The following GRXCR1 variants were observed in gnomAD, a reference collection of about 807,000 sequenced individuals.
The protein encoded by GRXCR1 is glutaredoxin domain-containing cysteine-rich protein 1.
In GRXCR1, 27 loss-of-function variants were observed where a neutral mutation model predicts 27.3. The observed-to-expected ratio is 0.99, with a 90% confidence interval of 0.73 to 1.37. The LOEUF (loss-of-function observed/expected upper bound fraction) is 1.37, where lower values mean the gene tolerates loss of function less well. GRXCR1 is among the 40% of genes most tolerant of loss of function. The probability of loss-of-function intolerance (pLI) is 0.00; values close to 1 mark genes in which losing one functional copy is unlikely to be tolerated. For synonymous variants in GRXCR1, 122 were observed against 131.1 expected (o/e 0.93, Z 0.47); for missense variants, 379 against 354.4 (o/e 1.07, Z -0.56).
intron 2 of GRXCR1, among the ~76,000 whole-genome samples, chr4:42,986,542 C>T (rs763457808): frequency 5.3e-5 from 8 of 152,210 alleles, no homozygotes; most frequent in Middle Eastern, 3.4e-3. Context: ...GCTTTCTTTA[C>T]GGAATATCTG....
At chr4:42,937,051 A>G (rs1439001955) in intron 1 of GRXCR1, among the ~76,000 whole-genome samples, 1 of 151,932 alleles carries the variant, frequency 6.6e-6, no homozygotes, top group African/African-American at 2.4e-5. Context: ...CTTCCTTGAG[A>G]ATGAAGTATC....
intron 1 of GRXCR1, among the ~76,000 whole-genome samples, chr4:42,921,808 G>T (rs1747017645): frequency 1.3e-5 from 2 of 151,966 alleles, no homozygotes; most frequent in South Asian, 2.1e-4. Flanking sequence ...TTGCTGACTT[G>T]ACTTAGGGCT....
intron 1 of GRXCR1, among the ~76,000 whole-genome samples, chr4:42,895,199 C>A (rs1473659903): frequency 1.3e-5 from 2 of 152,074 alleles, no homozygotes; most frequent in East Asian, 3.9e-4. Context: ...AATTTTAACA[C>A]TAGATTAGTT....
chr4:42,928,257 G>A (rs571958725), intron 1 of GRXCR1, among the ~76,000 whole-genome samples: 51 of 151,970 alleles, frequency 3.4e-4, no homozygotes, highest in South Asian at 6.2e-4. Flanking sequence ...TCCAGGCTTG[G>A]CATTAAAATC....
At chr4:42,915,207 C>A (rs529613195) in intron 1 of GRXCR1, among the ~76,000 whole-genome samples, 1 of 152,230 alleles carries the variant, frequency 6.6e-6, no homozygotes, top group South Asian at 2.1e-4. Context: ...TGCTAACTTG[C>A]ACCCACTTAA....
intron 2 of GRXCR1, among the ~76,000 whole-genome samples, chr4:43,014,131 C>T (rs538365604): frequency 3.3e-5 from 5 of 151,726 alleles, no homozygotes; most frequent in South Asian, 4.2e-4. Context: ...AGAAAAACCA[C>T]GCTCTTTAGG....
At chr4:42,898,138 C>T (rs1246647274) in intron 1 of GRXCR1, among the ~76,000 whole-genome samples, 2 of 151,860 alleles carry the variant, frequency 1.3e-5, no homozygotes, top group African/African-American at 4.8e-5. Flanking sequence ...AACATGAAGA[C>T]TAAATGTATC....
At chr4:42,969,938 A>T (rs1748346130) in intron 2 of GRXCR1, among the ~76,000 whole-genome samples, 1 of 152,142 alleles carries the variant, frequency 6.6e-6, no homozygotes, top group African/African-American at 2.4e-5. Flanking sequence ...ATCAAAAACA[A>T]GTTAGTTACT....
chr4:43,019,828 G>T (rs1009462400), intron 2 of GRXCR1, among the ~76,000 whole-genome samples: 9 of 152,172 alleles, frequency 5.9e-5, no homozygotes, highest in Middle Eastern at 3.4e-3. Flanking sequence ...AGTCTGCTAC[G>T]GCAAAGGAGA....
chr4:42,928,844 C>T (rs780880252), intron 1 of GRXCR1, among the ~76,000 whole-genome samples: 2 of 151,950 alleles, frequency 1.3e-5, no homozygotes, highest in Non-Finnish European at 1.5e-5. Context: ...TTACCACAGA[C>T]ATAGGATGTG....
chr4:42,920,682 ACTTC>A (rs1038058643), intron 1 of GRXCR1, among the ~76,000 whole-genome samples: 2 of 151,816 alleles, frequency 1.3e-5, no homozygotes, highest in African/African-American at 4.8e-5. Flanking sequence ...TCCCTGCCTC[ACTTC>A]CTTCCTTCCA....
At chr4:43,027,076 G>C (rs1465978517) in intron 3 of GRXCR1, among the ~76,000 whole-genome samples, 2 of 152,188 alleles carry the variant, frequency 1.3e-5, no homozygotes, top group African/African-American at 4.8e-5. Flanking sequence ...AAATGGTTGT[G>C]TCATGTGACC....
At chr4:42,974,038 T>C (rs557416240) in intron 2 of GRXCR1, among the ~76,000 whole-genome samples, 2 of 152,250 alleles carry the variant, frequency 1.3e-5, no homozygotes, top group East Asian at 1.9e-4. Flanking sequence ...ACGTTTCATA[T>C]GGCCACTGCA....
chr4:43,003,963 G>A (rs1024495701), intron 2 of GRXCR1, among the ~76,000 whole-genome samples: 2 of 152,220 alleles, frequency 1.3e-5, no homozygotes, highest in Non-Finnish European at 2.9e-5. Context: ...CAAAGACAAT[G>A]GGGAAAATGT....
At chr4:42,932,607 TATATATATATATAGAGAGAGAGAG>T (rs1351637595) in intron 1 of GRXCR1, among the ~76,000 whole-genome samples, 21 of 55,320 alleles carry the variant, frequency 3.8e-4, no homozygotes, top group African/African-American at 8.3e-4. Flanking sequence ...TATATATATA[TATATATATATATAGAGAGAGAGAG>T]AGAGAGAGAG....
chr4:42,941,441 A>T (rs1747618953), intron 1 of GRXCR1, among the ~76,000 whole-genome samples: 1 of 152,034 alleles, frequency 6.6e-6, no homozygotes, highest in South Asian at 2.1e-4. Flanking sequence ...ATTGAGGAGG[A>T]ATGAAAATTC....
intron 3 of GRXCR1, among the ~76,000 whole-genome samples, chr4:43,024,637 A>AT (rs1713197977): frequency 6.6e-6 from 1 of 152,158 alleles, no homozygotes. Flanking sequence ...CCTTGTCTGC[A>AT]TTTTGTTCAG....
intron 2 of GRXCR1, among the ~76,000 whole-genome samples, chr4:42,996,621 T>C (rs1390882099): frequency 6.6e-6 from 1 of 152,104 alleles, no homozygotes; most frequent in Non-Finnish European, 1.5e-5. Context: ...TTTTTTCAAA[T>C]AGTCTATTCC....
chr4:42,935,198 G>C (rs946889365), intron 1 of GRXCR1, among the ~76,000 whole-genome samples: 4 of 151,914 alleles, frequency 2.6e-5, no homozygotes, highest in African/African-American at 9.7e-5. Flanking sequence ...GACTCTTAGA[G>C]AGAAAGATAC....
Sources: gnomAD v4.1 joint callset for allele counts (sites outside exome capture counted in the v4.1 genomes callset) on GRCh38, gnomAD v4.1.1 for gene constraint, MANE v1.5 for transcripts, NCBI Gene and HGNC (gene_info 2026-07-23, HGNC 2026-07-21) for gene names.